FGD4: variants seen among roughly 807,000 people sequenced by gnomAD.
FGD4 encodes the protein FYVE, RhoGEF and PH domain containing 4.
In FGD4, 42 loss-of-function variants were observed where a neutral mutation model predicts 102.0. The ratio of observed to expected loss-of-function variants is 0.41; its 90% CI spans 0.32 to 0.53. The LOEUF is 0.53. Ranked by LOEUF, FGD4 falls within the 20% of genes least tolerant of loss-of-function variation. The pLI, the probability that FGD4 is intolerant of heterozygous loss-of-function variation, is 0.21. For missense variants in FGD4, 902 were observed against 1,078.2 expected (o/e 0.84, Z 2.29); for synonymous variants, 380 against 375.7 (o/e 1.01, Z -0.13).
At chr12:32,634,841 A>G (rs528875204) in intron 15 of FGD4, among the ~76,000 whole-genome samples, 9 of 152,266 alleles carry the variant, frequency 5.9e-5, no homozygotes, top group African/African-American at 1.7e-4. Flanking sequence ...TACAAAAATT[A>G]GCTGGGTGTG....
chr12:32,605,210 A>G (rs888644684), intron 7 of FGD4, among the ~76,000 whole-genome samples: 24 of 152,142 alleles, frequency 1.6e-4, no homozygotes, highest in Admixed American at 1.6e-3. Flanking sequence ...AAGTGCTAAA[A>G]TTACAGGCAG....
intron 1 of FGD4, among the ~76,000 whole-genome samples, chr12:32,401,557 G>A (rs1053415858): frequency 6.6e-6 from 1 of 151,912 alleles, no homozygotes; most frequent in African/African-American, 2.4e-5. Flanking sequence ...CACCACATCC[G>A]GCCTCAAATT....
rs138270214 is a variant in FGD4 at position 32,603,748 on chromosome 12, G to A, written c.1404+1431G>A. Among the ~76,000 whole-genome samples, 504 of 151,632 alleles carry A rather than the reference G, an allele frequency of 3.3e-3. 2 individuals are homozygous for A. Among genetic ancestry groups the A allele is most frequent in the African/African-American group, 0.012 (483 of 41,342 alleles). On this transcript the variant is annotated intron_variant, in intron 7 of 16. Transcript: ENST00000534526. ...ACAGGGTCTTGCTCTTGTCACCCAG[G>A]CTAGAGTGCAGTGGCCCAGTCACAG... is the stretch of plus-strand genomic sequence containing the variant.
At chr12:32,599,506 A>AG (rs1351715774) in intron 5 of FGD4, among the ~76,000 whole-genome samples, 4 of 129,754 alleles carry the variant, frequency 3.1e-5, no homozygotes, top group Non-Finnish European at 6.5e-5. Context: ...AAAAAAAAAA[A>AG]AAGAATAACT....
At chr12:32,570,240 C>CAG (rs1945538794) in intron 2 of FGD4, among the ~76,000 whole-genome samples, 1 of 67,626 alleles carries the variant, frequency 1.5e-5, no homozygotes, top group Non-Finnish European at 2.9e-5. Flanking sequence ...GACGCTGTCT[C>CAG]AAAAAAAAAA....
intron 9 of FGD4, 134 bp from the exon 10 acceptor site, chr12:32,611,003 T>A (rs1046621704): frequency 5.5e-6 from 7 of 1,269,582 alleles, no homozygotes; most frequent in Non-Finnish European, 4.5e-6. Flanking sequence ...TGCTAATAAG[T>A]GATGGAATTT....
intron 6 of FGD4, 71 bp from the exon 7 acceptor site, chr12:32,602,090 G>A: frequency 7.2e-7 from 1 of 1,396,894 alleles, no homozygotes. Context: ...ACTACAGTCT[G>A]GGTGACAGAA....
At chr12:32,485,626 A>G (rs930447432) in intron 1 of FGD4, among the ~76,000 whole-genome samples, 3 of 151,208 alleles carry the variant, frequency 2.0e-5, no homozygotes, top group African/African-American at 7.3e-5. Context: ...TTGTATTTTC[A>G]GTAGAGACGA....
intron 12 of FGD4, chr12:32,624,759 C>T: frequency 8.0e-6 from 5 of 625,104 alleles, no homozygotes; most frequent in South Asian, 7.0e-5. Context: ...CAGGTGTGAG[C>T]CACCACGCCC....
intron 7 of FGD4, among the ~76,000 whole-genome samples, chr12:32,603,530 C>T (rs7953839): frequency 0.09 from 13,733 of 151,842 alleles, 2,076 homozygotes; most frequent in African/African-American, 0.31. Flanking sequence ...GGACTACAGG[C>T]GCCTGCCACC....
intron 1 of FGD4, among the ~76,000 whole-genome samples, chr12:32,468,849 C>T (rs1293455318): frequency 1.3e-5 from 2 of 151,966 alleles, no homozygotes; most frequent in Non-Finnish European, 2.9e-5. Flanking sequence ...TTTTTTGAGA[C>T]GGAGTCTCAC....
chr12:32,457,010 A>G (rs1335744810), intron 1 of FGD4, among the ~76,000 whole-genome samples: 1 of 152,220 alleles, frequency 6.6e-6, no homozygotes, highest in Non-Finnish European at 1.5e-5. Flanking sequence ...TGAAAATGCG[A>G]GAACAGGAAC....
In FGD4 at chr12:32,611,234, T is replaced by A; in HGVS notation, c.1700T>A (p.Leu567His). 2 of 1,614,228 alleles carry A rather than the reference T, an allele frequency of 1.2e-6. No individual in the cohort carries two copies. Among genetic ancestry groups the A allele is most frequent in the Non-Finnish European group, 1.7e-6 (2 of 1,180,042 alleles). The change falls in exon 10 of 17, where the codon CTC becomes CAC. Residue 567 changes from leucine (L) to histidine (H), a missense_variant. Leu to His is a moderately conservative substitution (Grantham distance 99, BLOSUM62 -3). Around this residue, in one of 2 missense-constraint regions of FGD4, gnomAD observed 459 missense variants for 619.0 expected, o/e 0.74. Transcript: ENST00000534526. ...GAACTAATAAAAGAAGGACAGATCC[T>A]CAAACTAGCTGCTCGGAACACTTCA... ...SNELIKEGQI[L>H]KLAARNTSAQ...
Position 32,602,264 on chromosome 12 carries a change from A to G in FGD4, c.1351A>G (p.Lys451Glu). 6.2e-7 allele frequency: 1 copy of G among 1,614,200 alleles called. No individual in the cohort carries two copies. The highest frequency in any genetic ancestry group is 1.1e-5 in the South Asian group (1 of 91,084). Residue 451 changes from lysine to glutamate, a missense_variant, in exon 7 of 17, where the codon AAA becomes GAA. By Grantham distance (56) the Lys-to-Glu change is moderately conservative. Around this residue, in one of 2 missense-constraint regions of FGD4, gnomAD observed 459 missense variants for 619.0 expected, o/e 0.74. Coordinates refer to ENST00000534526, the MANE Select transcript of FGD4 (RefSeq NM_001370298.3). ...ATTTGATAATGCAATGGAATTGGTT[A>G]AAAACATGACAGAACGTATTCCCCA... ...KGFDNAMELV[K>E]NMTERIPQFK...
At chr12:32,579,039 G>GTTTTTTTTTTTTTT (rs35186090) in intron 3 of FGD4, among the ~76,000 whole-genome samples, 2 of 66,146 alleles carry the variant, frequency 3.0e-5, no homozygotes, top group African/African-American at 6.5e-5. Context: ...AACATTAGTG[G>GTTTTTTTTTTTTTT]TTTTTTTTTT....
intron 8 of FGD4, among the ~76,000 whole-genome samples, chr12:32,608,533 A>C (rs542450048): frequency 6.6e-6 from 1 of 152,340 alleles, no homozygotes; most frequent in East Asian, 1.9e-4. Context: ...CTAACGTGCT[A>C]CCATAACAGG....
intron 1 of FGD4, among the ~76,000 whole-genome samples, chr12:32,524,122 T>C (rs768030640): frequency 4.0e-5 from 6 of 151,804 alleles, no homozygotes; most frequent in East Asian, 3.9e-4. Flanking sequence ...ATTGGCCGGG[T>C]GCGGTGGCTC....
intron 1 of FGD4, among the ~76,000 whole-genome samples, chr12:32,453,959 G>A (rs1446975355): frequency 2.6e-5 from 4 of 151,880 alleles, no homozygotes; most frequent in South Asian, 2.1e-4. Context: ...ATAATTCCAC[G>A]GTTTTCTTTG....
At chr12:32,408,779 C>G (rs945171807) in intron 1 of FGD4, among the ~76,000 whole-genome samples, 1 of 152,190 alleles carries the variant, frequency 6.6e-6, no homozygotes. Flanking sequence ...CTATTTTCAG[C>G]CCTTCTTAAT....
Sources: allele counts gnomAD v4.1 joint callset (sites outside exome capture counted in the v4.1 genomes callset), GRCh38; gene constraint gnomAD v4.1.1; regional missense constraint gnomAD v4.1.1; transcripts MANE v1.5; gene names NCBI Gene and HGNC (gene_info 2026-07-23, HGNC 2026-07-21).